The following PDS5B variants were observed in gnomAD, a reference collection of about 807,000 sequenced individuals.
PDS5B encodes PDS5 cohesin associated factor B, also known as sister chromatid cohesion protein PDS5 homolog B.
Under a neutral mutation model 184.1 loss-of-function variants are expected in PDS5B, and 51 were observed. The ratio of observed to expected loss-of-function variants is 0.28; its 90% CI spans 0.22 to 0.35. The LOEUF (loss-of-function observed/expected upper bound fraction) is 0.35, where lower values mean the gene tolerates loss of function less well. PDS5B is among the 10% of genes least tolerant of loss of function. The pLI, the probability that PDS5B is intolerant of heterozygous loss-of-function variation, is 1.00. For synonymous variants in PDS5B, 566 were observed against 569.2 expected (o/e 0.99, Z 0.08); for missense variants, 1,180 against 1,723.3 (o/e 0.68, Z 5.58).
In PDS5B at chr13:32,763,072, G is replaced by A. The variant is rs537392481; in HGVS notation, c.3519-1417G>A. Reference sequence around the variant, plus strand: ...TTGTTATTTTTTTCTTCCAAATTCCGTCTGTTTAGTGGGACTGTTTGCAGG... The same window carrying A: ...TTGTTATTTTTTTCTTCCAAATTCCATCTGTTTAGTGGGACTGTTTGCAGG... On this transcript the variant is annotated intron_variant, in intron 30 of 34. Transcript: ENST00000315596. Among the ~76,000 whole-genome samples, 35 of 151,832 alleles carry A rather than the reference G, an allele frequency of 2.3e-4. 1 individual carries two copies. Among genetic ancestry groups the A allele is most frequent in the East Asian group, 1.7e-3 (9 of 5,176 alleles).
intron 17 of PDS5B, among the ~76,000 whole-genome samples, chr13:32,705,891 T>G (rs1190890713): frequency 6.6e-6 from 1 of 152,164 alleles, no homozygotes; most frequent in African/African-American, 2.4e-5. Context: ...GGTCTTGAAC[T>G]CCTGGCCTCA....
intron 1 of PDS5B, among the ~76,000 whole-genome samples, chr13:32,642,351 A>C (rs1950118368): frequency 2.0e-5 from 3 of 152,156 alleles, no homozygotes; most frequent in African/African-American, 4.8e-5. Flanking sequence ...TTTCTTAAGG[A>C]GCTTACAGTC....
chr13:32,666,656 G>A (rs564260206), intron 6 of PDS5B, among the ~76,000 whole-genome samples: 84 of 152,060 alleles, frequency 5.5e-4, no homozygotes, highest in African/African-American at 1.2e-3. Context: ...ATTGTGAAAA[G>A]ACAAGTATAG....
intron 1 of PDS5B, among the ~76,000 whole-genome samples, chr13:32,594,874 C>T (rs1413062518): frequency 3.9e-5 from 6 of 152,064 alleles, no homozygotes; most frequent in South Asian, 4.1e-4. Context: ...CTTACGCTGT[C>T]GTTTTGATAT....
At chr13:32,614,224 C>A (rs971671610) in intron 1 of PDS5B, among the ~76,000 whole-genome samples, 2 of 152,006 alleles carry the variant, frequency 1.3e-5, no homozygotes, top group African/African-American at 4.8e-5. Context: ...CCTTGAATTT[C>A]CATGTGAATT....
In PDS5B at chr13:32,764,584, A is replaced by T; in HGVS notation, c.3614A>T (p.Asp1205Val). Residue 1205 changes from aspartate (D) to valine (V), a missense_variant, in exon 31 of 35, where the codon GAT (aspartate) becomes GTT (valine). This residue lies in a region of PDS5B where 465 missense variants were observed against 497.8 expected (regional missense o/e 0.93). Transcript: ENST00000315596. ...GKKSDKRDDS[D>V]LVRSELEKPR... ...AAAAGTGACAAGAGAGACGACTCTG[A>T]TCTTGTAAGGGTGAGATATTTGCAT... 1 of 1,571,366 alleles carries T rather than the reference A, an allele frequency of 6.4e-7. No homozygotes were observed. Among genetic ancestry groups the T allele is most frequent in the South Asian group, 1.1e-5 (1 of 87,828 alleles).
At chr13:32,672,736 A>T (rs143414872) in intron 7 of PDS5B, among the ~76,000 whole-genome samples, 1 of 152,116 alleles carries the variant, frequency 6.6e-6, no homozygotes, top group Admixed American at 6.5e-5. Flanking sequence ...TTTTTGTTCT[A>T]TTGGGCCTTC....
chr13:32,591,192 A>C (rs1174453652), intron 1 of PDS5B, among the ~76,000 whole-genome samples: 1 of 151,884 alleles, frequency 6.6e-6, no homozygotes, highest in Non-Finnish European at 1.5e-5. Flanking sequence ...GCAGTGGGGC[A>C]ATCTTGGCTC....
At position 32,753,489 on chromosome 13, in the gene PDS5B, A is replaced by G; in HGVS notation, c.2894A>G (p.Asn965Ser). ...CATGCTAGGCAATGTTTGGTGAAAA[A>G]TATAAATGTAAGGCGGGAGTATCTG... ...RAHARQCLVK[N>S]INVRREYLKQ... The change falls in exon 25 of 35, where the codon AAT becomes AGT. Residue 965 changes from asparagine (N) to serine (S), a missense_variant. By Grantham distance (46) the Asn-to-Ser change is conservative. Around this residue, in one of 11 missense-constraint regions of PDS5B, gnomAD observed 57 missense variants for 80.9 expected, o/e 0.70. Coordinates refer to ENST00000315596, the MANE Select transcript of PDS5B (RefSeq NM_015032.4). 6.2e-7 allele frequency: 1 copy of G among 1,613,894 alleles called. No homozygotes were observed. The highest frequency in any genetic ancestry group is 8.5e-7 in the Non-Finnish European group (1 of 1,179,810).
At chr13:32,640,771 T>C (rs2058647336) in intron 1 of PDS5B, among the ~76,000 whole-genome samples, 1 of 150,484 alleles carries the variant, frequency 6.6e-6, no homozygotes, top group Non-Finnish European at 1.5e-5. Context: ...CAGCACATTG[T>C]TGGCCAGGTG....
intron 1 of PDS5B, among the ~76,000 whole-genome samples, chr13:32,602,794 G>A (rs2057998281): frequency 6.6e-6 from 1 of 152,016 alleles, no homozygotes; most frequent in Non-Finnish European, 1.5e-5. Context: ...CCATTCTAAC[G>A]GGTGTGACAT....
chr13:32,673,207 C>A lies in PDS5B; in HGVS notation c.706-9C>A. 1 of 1,608,692 alleles carries A rather than the reference C, an allele frequency of 6.2e-7. No individual in the cohort carries two copies. The highest frequency in any genetic ancestry group is 1.1e-5 in the South Asian group (1 of 90,184). ...TCTACTAATGATAGGCTTTCTTTCT[C>A]CTCAAAAGTTTTTTAATCAGGTTCT... On this transcript the variant is annotated splice_polypyrimidine_tract_variant and intron_variant, in intron 7 of 34. Transcript: ENST00000315596.
chr13:32,593,362 GATAAC>G (rs2057805640), intron 1 of PDS5B, among the ~76,000 whole-genome samples: 1 of 152,186 alleles, frequency 6.6e-6, no homozygotes, highest in Non-Finnish European at 1.5e-5. Flanking sequence ...AAGCCTTACT[GATAAC>G]ATAAACAGTC....
At chr13:32,711,897 C>T (rs552348500) in intron 19 of PDS5B, among the ~76,000 whole-genome samples, 2 of 152,258 alleles carry the variant, frequency 1.3e-5, no homozygotes, top group South Asian at 4.1e-4. Context: ...AACATTGTAA[C>T]AATTCAGTGA....
Position 32,611,715 on chromosome 13 carries a change from C to T in PDS5B, c.-20+25122C>T, listed in dbSNP as rs182665923. 3.7e-4 allele frequency among the ~76,000 whole-genome samples: 56 copies of T among 151,832 alleles called. No homozygotes were observed. In the East Asian group the frequency reaches 5.3e-3, roughly 14 times the overall value. The stretch of plus-strand genomic sequence containing the variant: ...GTAGATACGGGGTTTTACCTTGTTG[C>T]CCAGGCTGGTCTTGAACTCCTGGGC... On this transcript the variant is annotated intron_variant, in intron 1 of 34. Transcript: ENST00000315596.
intron 1 of PDS5B, among the ~76,000 whole-genome samples, chr13:32,602,587 C>T (rs1173725333): frequency 6.6e-6 from 1 of 152,032 alleles, no homozygotes; most frequent in Non-Finnish European, 1.5e-5. Flanking sequence ...AGCAGCATGA[C>T]TTATAATCGT....
Position 32,701,348 on chromosome 13 carries a change from ACCCCAAACAGCCT to A in PDS5B, c.1767_1779del (p.Asn589LysfsTer8). 1 of 1,611,520 alleles carries A rather than the reference ACCCCAAACAGCCT, an allele frequency of 6.2e-7. No individual in the cohort carries two copies. Among genetic ancestry groups the A allele is most frequent in the Non-Finnish European group, 8.5e-7 (1 of 1,178,052 alleles). On this transcript the variant is annotated frameshift_variant, in exon 17 of 35. Transcript: ENST00000315596. LOFTEE classifies it high-confidence loss of function. ...CGTGAAATAACTAAGAAGTTGGGCA[ACCCCAAACAGCCT>A]ACAAATCCTTTCCTGGAAATGATCA...
chr13:32,594,942 C>A (rs140078836), intron 1 of PDS5B, among the ~76,000 whole-genome samples: 1 of 152,002 alleles, frequency 6.6e-6, no homozygotes, highest in African/African-American at 2.4e-5. Flanking sequence ...ATTGGTCTTA[C>A]AGAATAAGTA....
Position 32,700,958 on chromosome 13 carries a change from T to G in PDS5B, c.1741-365T>G, listed in dbSNP as rs542423211. ...GTTTTAACAAGCTCTTCTGATAATT[T>G]TACTTCCTCAAGTTTGTGCATCCAG... On this transcript the variant is annotated intron_variant, in intron 16 of 34. Coordinates refer to ENST00000315596, the MANE Select transcript of PDS5B (RefSeq NM_015032.4). The G allele has an allele frequency of 1.9e-5, 3 of 159,540 alleles. No individual in the cohort carries two copies. The East Asian group carries it at 5.5e-4, about 29-fold the overall frequency. The allele number at this position is 159,540 out of a possible 1,614,324, so 9.9% of individuals were successfully genotyped here.
Sources: gnomAD v4.1 joint callset for allele counts (sites outside exome capture counted in the v4.1 genomes callset) on GRCh38, gnomAD v4.1.1 for gene constraint, gnomAD v4.1.1 regional missense constraint, MANE v1.5 for transcripts, NCBI Gene and HGNC (gene_info 2026-07-23, HGNC 2026-07-21) for gene names.